RREB1: variants seen among roughly 807,000 people sequenced by gnomAD.
RREB1 encodes the protein ras responsive element binding protein 1, also known as ras-responsive element-binding protein 1.
A neutral mutation model predicts 117.8 loss-of-function variants in RREB1; 27 were observed. The observed-to-expected ratio is 0.23, with a 90% confidence interval of 0.17 to 0.32. RREB1 has a LOEUF of 0.32. RREB1 is among the 10% of genes least tolerant of loss of function. RREB1 has a pLI of 1.00. For missense variants in RREB1, 2,577 were observed against 2,378.2 expected, an observed-to-expected ratio of 1.08 and a Z score of -1.74; for synonymous variants, 1,298 against 1,026.7, an observed-to-expected ratio of 1.26 and a Z score of -5.05.
intron 6 of RREB1, among the ~76,000 whole-genome samples, chr6:7,210,364 A>G (rs910881735): frequency 6.6e-6 from 1 of 152,260 alleles, no homozygotes; most frequent in Non-Finnish European, 1.5e-5. Flanking sequence ...AGAGATGTGT[A>G]CAACAGATAG....
chr6:7,230,719 C>T lies in RREB1; in HGVS notation c.2620C>T (p.Pro874Ser), dbSNP rs770700769. The part of the protein sequence containing the change: ...EPQNGFLHRG[P>S]TQPPPPHVSI... ...CCAGAACGGCTTTCTTCACAGGGGC[C>T]CCACCCAGCCTCCACCTCCCCATGT... The change falls in exon 10 of 13, where the codon CCC (proline) becomes TCC (serine). Residue 874 changes from proline (P) to serine (S), a missense_variant. Coordinates refer to ENST00000379938, the MANE Select transcript of RREB1 (RefSeq NM_001003699.4). 1.9e-6 allele frequency: 3 copies of T among 1,597,890 alleles called. No homozygotes were observed. Among genetic ancestry groups the T allele is most frequent in the East Asian group, 2.2e-5 (1 of 44,690 alleles).
At chr6:7,111,757 A>G (rs1761157398) in intron 1 of RREB1, among the ~76,000 whole-genome samples, 1 of 152,230 alleles carries the variant, frequency 6.6e-6, no homozygotes, top group African/African-American at 2.4e-5. Flanking sequence ...GTGGTGTCAG[A>G]TGGCAGCTTG....
chr6:7,221,294 G>C (rs906028087), intron 8 of RREB1, among the ~76,000 whole-genome samples: 1 of 151,718 alleles, frequency 6.6e-6, no homozygotes, highest in Non-Finnish European at 1.5e-5. Flanking sequence ...TCAGCCTCCC[G>C]AGTAGCTGGG....
chr6:7,192,021 T>A (rs1019214979), intron 6 of RREB1, among the ~76,000 whole-genome samples: 4 of 152,020 alleles, frequency 2.6e-5, no homozygotes, highest in Admixed American at 6.5e-5. Context: ...GTGGGTTTTT[T>A]AAATAAATGT....
At chr6:7,123,762 C>A (rs1760528952) in intron 1 of RREB1, among the ~76,000 whole-genome samples, 1 of 152,034 alleles carries the variant, frequency 6.6e-6, no homozygotes, top group Non-Finnish European at 1.5e-5. Context: ...AGGCGCCCGC[C>A]ACCACGCCTG....
In RREB1 at chr6:7,230,806, T is replaced by C. The variant is rs771721630; in HGVS notation, c.2707T>C (p.Ser903Pro). 9.9e-6 allele frequency: 16 copies of C among 1,614,088 alleles called. No homozygotes were observed. The highest frequency in any genetic ancestry group is 5.0e-5 in the Admixed American group (3 of 60,010). ...GGACTTCAATGAGCCCCTGGACTTCTCGCAGAAGGGCCTGGCCCTGGTCCA... is the reference window on the plus strand; with the variant it reads ...GGACTTCAATGAGCCCCTGGACTTCCCGCAGAAGGGCCTGGCCCTGGTCCA... The part of the protein sequence containing the change: ...AVDFNEPLDF[S>P]QKGLALVQVK... The change falls in exon 10 of 13, where the codon TCG becomes CCG. Residue 903 changes from serine (S) to proline (P), a missense_variant. Coordinates refer to ENST00000379938, the MANE Select transcript of RREB1 (RefSeq NM_001003699.4).
At position 7,230,584 on chromosome 6, in the gene RREB1, G is replaced by A. The variant is rs1451175035; in HGVS notation, c.2485G>A (p.Asp829Asn). Residue 829 changes from aspartate (D) to asparagine (N), a missense_variant, in exon 10 of 13, where the codon GAC (aspartate) becomes AAC (asparagine). By Grantham distance (23) the Asp-to-Asn change is conservative. Coordinates refer to ENST00000379938, the MANE Select transcript of RREB1 (RefSeq NM_001003699.4). The stretch of plus-strand genomic sequence containing the variant: ...CATCGAGAGCTACGTGCTGGCCGCC[G>A]ACGGCCTGGGCCCCGCAGAGGCGCC... Reference protein sequence around the residue: ...QDIESYVLAADGLGPAEAPAA... With the variant: ...QDIESYVLAANGLGPAEAPAA... 3 of 1,603,078 alleles carry A rather than the reference G, an allele frequency of 1.9e-6. No homozygotes were observed. Among genetic ancestry groups the A allele is most frequent in the Admixed American group, 1.7e-5 (1 of 58,890 alleles).
intron 1 of RREB1, among the ~76,000 whole-genome samples, chr6:7,146,055 G>A (rs1312594418): frequency 1.5e-5 from 2 of 136,658 alleles, no homozygotes; most frequent in Admixed American, 7.4e-5. Context: ...TCTCCCCACC[G>A]CCCCCCAGGA....
intron 11 of RREB1, among the ~76,000 whole-genome samples, chr6:7,243,869 TTAAAA>T (rs1363953901): frequency 6.6e-6 from 1 of 151,970 alleles, no homozygotes; most frequent in African/African-American, 2.4e-5. Flanking sequence ...TTCTGTGCAG[TTAAAA>T]TAATGCATGT....
chr6:7,230,227 G>T lies in RREB1; in HGVS notation c.2128G>T (p.Val710Phe). The T allele has an allele frequency of 6.2e-7, 1 of 1,604,356 alleles. No individual in the cohort carries two copies. The part of the protein sequence containing the change: ...ICKICHYPFT[V>F]KANCERHLRK... ...CAAGATCTGCCACTACCCCTTCACT[G>T]TCAAAGCCAACTGCGAGCGGCACCT... The change falls in exon 10 of 13, where the codon GTC (valine) becomes TTC (phenylalanine). Residue 710 changes from valine to phenylalanine, a missense_variant. Transcript: ENST00000379938.
chr6:7,131,987 T>G (rs750992190), intron 1 of RREB1, among the ~76,000 whole-genome samples: 2 of 152,130 alleles, frequency 1.3e-5, no homozygotes, highest in Non-Finnish European at 2.9e-5. Flanking sequence ...GCCTCCCAAG[T>G]AGCTGGGACT....
At chr6:7,241,977 G>A (rs1188131360) in intron 11 of RREB1, among the ~76,000 whole-genome samples, 1 of 152,222 alleles carries the variant, frequency 6.6e-6, no homozygotes, top group Non-Finnish European at 1.5e-5. Context: ...AGTGCTGGCA[G>A]GCACGCGTTT....
At chr6:7,173,369 T>A (rs907750988) in intron 1 of RREB1, among the ~76,000 whole-genome samples, 9 of 151,848 alleles carry the variant, frequency 5.9e-5, no homozygotes, top group Admixed American at 1.3e-4. Context: ...ATACAGAAAC[T>A]AGCCAGGCGT....
intron 1 of RREB1, among the ~76,000 whole-genome samples, chr6:7,137,980 A>C (rs1199561869): frequency 6.6e-6 from 1 of 151,982 alleles, no homozygotes; most frequent in East Asian, 1.9e-4. Flanking sequence ...CTCCTCACTC[A>C]CTTACGCCTA....
chr6:7,189,279 A>C lies in RREB1; in HGVS notation c.382A>C (p.Thr128Pro). The change falls in exon 6 of 13, where the codon ACT becomes CCT. Residue 128 changes from threonine to proline, a missense_variant. Transcript: ENST00000379938. ...CTCTGGCGAGAGGCCTTACAAGTGCACTGTGTGTGGCCAGTCATTTACCAC... is the reference window on the plus strand; with the variant it reads ...CTCTGGCGAGAGGCCTTACAAGTGCCCTGTGTGTGGCCAGTCATTTACCAC... ...VHSGERPYKC[T>P]VCGQSFTTNG... The C allele has an allele frequency of 1.2e-6, 2 of 1,603,956 alleles. No individual in the cohort carries two copies.
chr6:7,216,610 C>T (rs1175478275), intron 8 of RREB1: 1 of 152,274 alleles, frequency 6.6e-6, no homozygotes, highest in Non-Finnish European at 1.5e-5. Flanking sequence ...TCTCCCTTCA[C>T]CACACGCCTA....
At chr6:7,211,760 G>A (rs1766621857) in intron 8 of RREB1, 51 bp downstream of exon 8, 1 of 1,598,720 alleles carries the variant, frequency 6.3e-7, no homozygotes, top group Non-Finnish European at 8.6e-7. Flanking sequence ...CTCCTGGCAT[G>A]TGACAATGTT....
rs200867216 is a variant in RREB1 at position 7,247,121 on chromosome 6, C to T, written c.4671C>T (p.Ser1557=). 117 of 1,613,938 alleles carry T rather than the reference C, an allele frequency of 7.2e-5. No homozygotes were observed. In the East Asian group the frequency reaches 2.4e-3, roughly 33 times the overall value. The change falls in exon 12 of 13, where the codon AGC becomes AGT. Residue 1557 remains serine, a synonymous_variant. Coordinates refer to ENST00000379938, the MANE Select transcript of RREB1 (RefSeq NM_001003699.4). The part of the protein sequence containing the change: ...DKKPKTDSPK[S]VASKADKRKK... ...AACCAAAGACAGACTCCCCCAAAAG[C>T]GTGGCCAGCAAGGCAGACAAGAGGA...
At chr6:7,111,826 T>C (rs1761160454) in intron 1 of RREB1, among the ~76,000 whole-genome samples, 1 of 152,236 alleles carries the variant, frequency 6.6e-6, no homozygotes, top group Non-Finnish European at 1.5e-5. Flanking sequence ...TGAGGATTTG[T>C]GTGTATAGTA....
Sources: allele counts gnomAD v4.1 joint callset (sites outside exome capture counted in the v4.1 genomes callset), GRCh38; gene constraint gnomAD v4.1.1; transcripts MANE v1.5; gene names NCBI Gene and HGNC (gene_info 2026-07-23, HGNC 2026-07-21).